Variants in TMEM8B observed in about 807,000 individuals in gnomAD.
TMEM8B encodes transmembrane protein 8B.
In TMEM8B, 29 loss-of-function variants were observed where a neutral mutation model predicts 49.3. The ratio of observed to expected loss-of-function variants is 0.59; its 90% confidence interval spans 0.44 to 0.80. The LOEUF is 0.80. Among genes scored for constraint, TMEM8B ranks in the 30% least tolerant of loss-of-function variants. The pLI, the probability that TMEM8B is intolerant of heterozygous loss-of-function variation, is 0.00. For synonymous variants in TMEM8B, 264 were observed against 272.8 expected, an observed-to-expected ratio of 0.97 and a Z score of 0.32; for missense variants, 575 against 658.5, an observed-to-expected ratio of 0.87 and a Z score of 1.39.
intron 6 of TMEM8B, chr9:35,845,474 G>C: frequency 1.0e-6 from 1 of 985,380 alleles, no homozygotes; most frequent in Non-Finnish European, 1.2e-6. Flanking sequence ...CAGCCAGGTT[G>C]CTACATTTAA....
At chr9:35,849,303 A>G (rs1425187238) in intron 10 of TMEM8B, among the ~76,000 whole-genome samples, 6 of 152,198 alleles carry the variant, frequency 3.9e-5, no homozygotes, top group Non-Finnish European at 7.3e-5. Context: ...ATAGGAGCAG[A>G]CAGTAGGTTT....
rs1415122710 is a variant in TMEM8B at position 35,861,483 on chromosome 9, A to C, written c.*7643A>C. 1 of 152,422 alleles carries C rather than the reference A, an allele frequency of 6.6e-6. No homozygotes were observed. Among genetic ancestry groups the C allele is most frequent in the Non-Finnish European group, 1.5e-5 (1 of 68,130 alleles). 9.4% of individuals were successfully genotyped at this position (152,422 alleles called of 1,614,324 possible). A position where few individuals can be genotyped will look rare whatever the true frequency, so the allele number is the denominator to read the frequency against. On this transcript the variant is annotated 3_prime_UTR_variant, in exon 13 of 13. Coordinates refer to ENST00000643932, the MANE Select transcript of TMEM8B (RefSeq NM_001042590.4). ...TCTGTGTCATTGTGCGCTGTGGTGCACCTGTCTTCTCTACTACACCTTAAG... is the reference window on the plus strand; with the variant it reads ...TCTGTGTCATTGTGCGCTGTGGTGCCCCTGTCTTCTCTACTACACCTTAAG...
In TMEM8B at chr9:35,865,012, C is replaced by T; in HGVS notation, c.*11172C>T. The T allele has an allele frequency of 6.6e-6, 1 of 152,000 alleles. No homozygotes were observed. The highest frequency in any genetic ancestry group is 2.1e-4 in the East Asian group (1 of 4,808). 9.4% of individuals were successfully genotyped at this position (152,000 alleles called of 1,614,324 possible). Reference sequence around the variant, plus strand: ...GTCCCTGCCCAATTTAAAGTTCAAACTCTGCAACTGCACAAAGTTGCAGGC... The same window carrying T: ...GTCCCTGCCCAATTTAAAGTTCAAATTCTGCAACTGCACAAAGTTGCAGGC... On this transcript the variant is annotated 3_prime_UTR_variant, in exon 13 of 13. Coordinates refer to ENST00000643932, the MANE Select transcript of TMEM8B (RefSeq NM_001042590.4).
chr9:35,857,152 C>T lies in TMEM8B; in HGVS notation c.*3312C>T, dbSNP rs1832566566. Reference sequence around the variant, plus strand: ...CATGTTCAGCAGCACAGGGCTCAATCCCCACAGGGTGATGTTCTGAAAGCT... The same window carrying T: ...CATGTTCAGCAGCACAGGGCTCAATTCCCACAGGGTGATGTTCTGAAAGCT... On this transcript the variant is annotated 3_prime_UTR_variant, in exon 13 of 13. Transcript: ENST00000643932. The T allele has an allele frequency of 6.6e-6, 1 of 152,300 alleles. No homozygotes were observed. 9.4% of individuals were successfully genotyped at this position (152,300 alleles called of 1,614,324 possible).
rs1447856948 is a variant in TMEM8B at position 35,854,934 on chromosome 9, AC to A, written c.*1095del. The A allele has an allele frequency of 6.6e-6, 1 of 152,216 alleles. No individual in the cohort carries two copies. The highest frequency in any genetic ancestry group is 6.5e-5 in the Admixed American group (1 of 15,286). 9.4% of individuals were successfully genotyped at this position (152,216 alleles called of 1,614,324 possible). ...GTCATAGCTGAGTTCTGAGGGTCTT[AC>A]ATAATGCCAAGAAGTTGGGAGAGCA... On this transcript the variant is annotated 3_prime_UTR_variant, in exon 13 of 13. Transcript: ENST00000643932.
rs936636928 is a variant in TMEM8B, at chr9:35,856,593, C to T, written c.*2753C>T. 1 of 152,112 alleles carries T rather than the reference C, an allele frequency of 6.6e-6. No homozygotes were observed. The highest frequency in any genetic ancestry group is 6.5e-5 in the Admixed American group (1 of 15,274). The allele number at this position is 152,112 out of a possible 1,614,324, so 9.4% of individuals were successfully genotyped here. A position where few individuals can be genotyped will look rare whatever the true frequency, so the allele number is the denominator to read the frequency against. ...ATGGACTTTGGGAGACCTTGGAGGA[C>T]AAAGTGCAGTGACCACAGCTATTGG... On this transcript the variant is annotated 3_prime_UTR_variant, in exon 13 of 13. Coordinates refer to ENST00000643932, the MANE Select transcript of TMEM8B (RefSeq NM_001042590.4).
In TMEM8B at chr9:35,865,161, T is replaced by G. The variant is rs1011574058; in HGVS notation, c.*11321T>G. On this transcript the variant is annotated 3_prime_UTR_variant, in exon 13 of 13. Transcript: ENST00000643932. The stretch of plus-strand genomic sequence containing the variant: ...CAGAGAATCTGAATACTGGGTCACG[T>G]TGCAGTTCTGCGCCTTGGATGCCAT... The G allele has an allele frequency of 6.6e-6, 1 of 152,266 alleles. No individual in the cohort carries two copies. Among genetic ancestry groups the G allele is most frequent in the African/African-American group, 2.4e-5 (1 of 41,460 alleles). The allele number at this position is 152,266 out of a possible 1,614,324, so 9.4% of individuals were successfully genotyped here.
intron 10 of TMEM8B, among the ~76,000 whole-genome samples, chr9:35,848,675 CTTTTTT>C (rs34593597): frequency 7.6e-6 from 1 of 132,136 alleles, no homozygotes. Flanking sequence ...TGTTTTTTTT[CTTTTTT>C]TTTTTTTTTT....
chr9:35,855,436 C>G lies in TMEM8B; in HGVS notation c.*1596C>G, dbSNP rs1832489717. The G allele has an allele frequency of 6.6e-6, 1 of 152,148 alleles. No homozygotes were observed. The highest frequency in any genetic ancestry group is 2.4e-5 in the African/African-American group (1 of 41,388). The allele number at this position is 152,148 out of a possible 1,614,324, so 9.4% of individuals were successfully genotyped here. A position where few individuals can be genotyped will look rare whatever the true frequency, so the allele number is the denominator to read the frequency against. On this transcript the variant is annotated 3_prime_UTR_variant, in exon 13 of 13. Coordinates refer to ENST00000643932, the MANE Select transcript of TMEM8B (RefSeq NM_001042590.4). ...GAGACGGAGTTTTGCTCTTGTTGCCCAGGCTGGAATGCAATGGTGCGATCT... is the reference window on the plus strand; with the variant it reads ...GAGACGGAGTTTTGCTCTTGTTGCCGAGGCTGGAATGCAATGGTGCGATCT...
In TMEM8B at chr9:35,854,660, G is replaced by GTA. The variant is rs966687279; in HGVS notation, c.*821_*822insAT. 3.9e-5 allele frequency: 6 copies of GTA among 152,080 alleles called. No homozygotes were observed. Among genetic ancestry groups the GTA allele is most frequent in the African/African-American group, 1.5e-4 (6 of 41,360 alleles). The allele number at this position is 152,080 out of a possible 1,614,324, so 9.4% of individuals were successfully genotyped here. On this transcript the variant is annotated 3_prime_UTR_variant, in exon 13 of 13. Coordinates refer to ENST00000643932, the MANE Select transcript of TMEM8B (RefSeq NM_001042590.4). Reference sequence around the variant, plus strand: ...GATTTGCAGTATCTGAGGGGTGTGTGTGTGTGTGTGTGTGTTTATGTATGT... The same window carrying GTA: ...GATTTGCAGTATCTGAGGGGTGTGTGTATGTGTGTGTGTGTGTTTATGTATGT...
chr9:35,842,268 A>G lies in TMEM8B; in HGVS notation c.1310-124A>G, dbSNP rs1232755704. ...TGGATGCCCCACACTCCCAAGGGAC[A>G]TCGCATTCTAGTTCTCATCCTTCCC... On this transcript the variant is annotated intron_variant, in intron 5 of 12. Coordinates refer to ENST00000643932, the MANE Select transcript of TMEM8B (RefSeq NM_001042590.4). This position sits in a 1 kb window ranked among gnomAD's most constrained non-coding sequence, Gnocchi z 5.6. The G allele has an allele frequency of 4.2e-6, 3 of 711,986 alleles. No individual in the cohort carries two copies. The highest frequency in any genetic ancestry group is 4.4e-6 in the Non-Finnish European group (2 of 457,144). The allele number at this position is 711,986 out of a possible 1,614,324, so 44.1% of individuals were successfully genotyped here. A position where few individuals can be genotyped will look rare whatever the true frequency, so the allele number is the denominator to read the frequency against.
intron 1 of TMEM8B, chr9:35,833,470 T>A: frequency 2.0e-6 from 1 of 501,070 alleles, no homozygotes; most frequent in Non-Finnish European, 2.6e-6. Context: ...TTGCCTCCAC[T>A]GTGACAGCTA....
At chr9:35,848,355 A>G (rs1035035600) in intron 10 of TMEM8B, among the ~76,000 whole-genome samples, 2 of 152,138 alleles carry the variant, frequency 1.3e-5, no homozygotes, top group African/African-American at 4.8e-5. Context: ...TGCCCTTTCT[A>G]CTGTGGCTCA....
chr9:35,842,088 C>G lies in TMEM8B; in HGVS notation c.1309+294C>G, dbSNP rs1831064466. On this transcript the variant is annotated intron_variant, in intron 5 of 12. Transcript: ENST00000643932. The surrounding 1 kb of genome is among the most constrained non-coding windows in gnomAD (Gnocchi z 5.6). ...ACATCCAGGACCTCTGGGACACTGT[C>G]CTTGCCAAAGCCCTTGCAAGTCAGT... Among the ~76,000 whole-genome samples the G allele has an allele frequency of 1.3e-5, 2 of 152,192 alleles. No homozygotes were observed. The highest frequency in any genetic ancestry group is 4.1e-4 in the South Asian group (2 of 4,830).
Position 35,834,613 on chromosome 9 carries a change from A to T in TMEM8B, c.661A>T (p.Thr221Ser), listed in dbSNP as rs971758549. Residue 221 changes from threonine to serine, a missense_variant, in exon 2 of 13, where the codon ACT (threonine) becomes TCT (serine). Physicochemically the swap from Thr to Ser is moderately conservative, Grantham distance 58. Coordinates refer to ENST00000643932, the MANE Select transcript of TMEM8B (RefSeq NM_001042590.4). ...NLIIFKEQGGTFGDHCPDQSV... is the reference protein window; with the variant it reads ...NLIIFKEQGGSFGDHCPDQSV... ...CATCATCTTCAAGGAGCAAGGGGGA[A>T]CTTTTGGGGACCACTGCCCAGACCA... 7.2e-6 allele frequency: 3 copies of T among 415,898 alleles called. No individual in the cohort carries two copies. Among genetic ancestry groups the T allele is most frequent in the Non-Finnish European group, 1.3e-5 (3 of 226,414 alleles). 25.8% of individuals were successfully genotyped at this position (415,898 alleles called of 1,614,324 possible).
At chr9:35,833,845 C>G (rs985476893) in intron 1 of TMEM8B, among the ~76,000 whole-genome samples, 1 of 152,194 alleles carries the variant, frequency 6.6e-6, no homozygotes, top group Non-Finnish European at 1.5e-5. Context: ...TTCCCCTCCC[C>G]TCTCCTGCCC....
intron 6 of TMEM8B, among the ~76,000 whole-genome samples, chr9:35,844,016 G>C (rs1010369011): frequency 6.6e-6 from 1 of 152,188 alleles, no homozygotes; most frequent in East Asian, 1.9e-4. Flanking sequence ...CGCCTGCCTC[G>C]GCCGCCCAAC....
In TMEM8B at chr9:35,853,500, C is replaced by T. The variant is rs760444259; in HGVS notation, c.2440-5C>T. The T allele has an allele frequency of 9.3e-6, 15 of 1,609,060 alleles. No individual in the cohort carries two copies. Among genetic ancestry groups the T allele is most frequent in the Non-Finnish European group, 1.0e-5 (12 of 1,178,106 alleles). ...TCCTGAGCCCCACTTCTCTGTCTCCCCCAGACAGTACGCAGCGTCCGCCGC... is the reference window on the plus strand; with the variant it reads ...TCCTGAGCCCCACTTCTCTGTCTCCTCCAGACAGTACGCAGCGTCCGCCGC... On this transcript the variant is annotated splice_polypyrimidine_tract_variant and splice_region_variant and intron_variant, in intron 12 of 12. Transcript: ENST00000643932. The surrounding 1 kb of genome is among the most constrained non-coding windows in gnomAD (Gnocchi z 4.2).
At position 35,857,170 on chromosome 9, in the gene TMEM8B, T is replaced by C. The variant is rs1832566775; in HGVS notation, c.*3330T>C. 6.6e-6 allele frequency: 1 copy of C among 152,270 alleles called. No homozygotes were observed. Among genetic ancestry groups the C allele is most frequent in the South Asian group, 2.1e-4 (1 of 4,832 alleles). The allele number at this position is 152,270 out of a possible 1,614,324, so 9.4% of individuals were successfully genotyped here. On this transcript the variant is annotated 3_prime_UTR_variant, in exon 13 of 13. Transcript: ENST00000643932. Reference sequence around the variant, plus strand: ...GCTCAATCCCCACAGGGTGATGTTCTGAAAGCTTCTGAGTGACAATTCAGT... The same window carrying C: ...GCTCAATCCCCACAGGGTGATGTTCCGAAAGCTTCTGAGTGACAATTCAGT...
Sources: gnomAD v4.1 joint callset for allele counts (sites outside exome capture counted in the v4.1 genomes callset) on GRCh38, gnomAD v4.1.1 for gene constraint, Gnocchi (gnomAD v3.1) non-coding constraint, MANE v1.5 for transcripts, NCBI Gene and HGNC (gene_info 2026-07-23, HGNC 2026-07-21) for gene names.